The following IPP variants were observed in gnomAD, a reference collection of about 807,000 sequenced individuals.
The protein encoded by IPP is actin-binding protein IPP.
A neutral mutation model predicts 64.1 loss-of-function variants in IPP; 41 were observed. That is an observed-to-expected ratio of 0.64 (90% CI 0.50 to 0.83). The LOEUF (loss-of-function observed/expected upper bound fraction) is 0.83, where lower values mean the gene tolerates loss of function less well. Among genes scored for constraint, IPP ranks in the 40% least tolerant of loss-of-function variants. The probability of loss-of-function intolerance (pLI) is 0.00; values close to 1 mark genes in which losing one functional copy is unlikely to be tolerated. For synonymous variants in IPP, 214 were observed against 235.2 expected, an observed-to-expected ratio of 0.91 and a Z score of 0.83; for missense variants, 649 against 703.0, an observed-to-expected ratio of 0.92 and a Z score of 0.87.
chr1:45,701,876 G>C (rs886984517), intron 8 of IPP, among the ~76,000 whole-genome samples: 7 of 152,122 alleles, frequency 4.6e-5, no homozygotes, highest in Non-Finnish European at 8.8e-5. Flanking sequence ...TAAACAGTTA[G>C]TGTATGTTTG....
intron 8 of IPP, among the ~76,000 whole-genome samples, chr1:45,713,976 T>TA (rs1480127678): frequency 6.6e-6 from 1 of 151,608 alleles, no homozygotes; most frequent in Non-Finnish European, 1.5e-5. Flanking sequence ...CTTAAAAAAT[T>TA]AAAAAATAAA....
chr1:45,713,331 C>T (rs928255184), intron 8 of IPP, among the ~76,000 whole-genome samples: 10 of 152,020 alleles, frequency 6.6e-5, no homozygotes, highest in South Asian at 2.1e-4. Flanking sequence ...GAGGCTGAGG[C>T]GGGCGGATCA....
At chr1:45,726,256 C>T (rs1052086648) in intron 5 of IPP, among the ~76,000 whole-genome samples, 3 of 149,926 alleles carry the variant, frequency 2.0e-5, no homozygotes, top group East Asian at 3.9e-4. Flanking sequence ...GTCGGGAGTT[C>T]GAGACCAGCC....
At chr1:45,738,850 A>AAAAAAAAAAAAAC (rs1646017326) in intron 3 of IPP, among the ~76,000 whole-genome samples, 3 of 139,126 alleles carry the variant, frequency 2.2e-5, no homozygotes, top group South Asian at 2.3e-4. Flanking sequence ...AAAAAAAAAA[A>AAAAAAAAAAAAAC]AAAAAAAAAA....
intron 8 of IPP, among the ~76,000 whole-genome samples, chr1:45,706,683 T>C (rs1645517353): frequency 6.6e-6 from 1 of 152,122 alleles, no homozygotes; most frequent in East Asian, 1.9e-4. Flanking sequence ...ACTCCTTACC[T>C]CAGTGATCCA....
chr1:45,716,134 A>T (rs1468774536), intron 7 of IPP, among the ~76,000 whole-genome samples: 3 of 152,230 alleles, frequency 2.0e-5, no homozygotes, highest in African/African-American at 7.2e-5. Context: ...CCACTTTAAT[A>T]TGCAACATAG....
chr1:45,695,691 T>C (rs1011369376), downstream of IPP, among the ~76,000 whole-genome samples: 4 of 151,682 alleles, frequency 2.6e-5, no homozygotes, highest in African/African-American at 4.8e-5. Context: ...TTTTTTTAGA[T>C]GGAGTTTCAC....
At chr1:45,725,737 T>C (rs1440763158) in intron 5 of IPP, among the ~76,000 whole-genome samples, 1 of 140,020 alleles carries the variant, frequency 7.1e-6, no homozygotes, top group Non-Finnish European at 1.6e-5. Context: ...CATTTTGTTC[T>C]GTACTAAGAA....
intron 5 of IPP, among the ~76,000 whole-genome samples, chr1:45,726,961 G>A (rs550743058): frequency 9.2e-5 from 14 of 152,010 alleles, no homozygotes; most frequent in African/African-American, 3.1e-4. Flanking sequence ...CCTGACCTCA[G>A]GTGATCTGCC....
rs549883180 is a variant in IPP at position 45,741,142 on chromosome 1, G to A, written c.483C>T (p.Tyr161=). The A allele has an allele frequency of 1.2e-6, 2 of 1,614,160 alleles. No individual in the cohort carries two copies. The highest frequency in any genetic ancestry group is 1.1e-5 in the South Asian group (1 of 91,088). Residue 161 remains tyrosine, a synonymous_variant, in exon 3 of 9, where the codon TAC becomes TAT. Transcript: ENST00000396478. The part of the protein sequence containing the change: ...CHDLLEFSEN[Y]IHVHFLEVHS... ...GAACCTCCAAGAAATGGACATGAAT[G>A]TAGTTTTCTGAGAATTCCAAGAGAT... is the stretch of plus-strand genomic sequence containing the variant.
At chr1:45,739,984 T>C (rs1194985687) in intron 3 of IPP, among the ~76,000 whole-genome samples, 1 of 152,172 alleles carries the variant, frequency 6.6e-6, no homozygotes, top group Non-Finnish European at 1.5e-5. Flanking sequence ...CCGCAGTGTT[T>C]GTGTCCCTGG....
Position 45,719,190 on chromosome 1 carries a change from A to G in IPP, c.1186+13T>C. ...ACAATATTAGCTATCTTTAAACTGA[A>G]CAACATAATTACCCAAAGCATAGAT... On this transcript the variant is annotated intron_variant, in intron 6 of 8. Transcript: ENST00000396478. 1 of 1,613,686 alleles carries G rather than the reference A, an allele frequency of 6.2e-7. No individual in the cohort carries two copies. The highest frequency in any genetic ancestry group is 1.3e-5 in the African/African-American group (1 of 75,050).
At chr1:45,741,412 A>G in intron 2 of IPP, 80 bp from the exon 3 acceptor site, 1 of 977,962 alleles carries the variant, frequency 1.0e-6, no homozygotes, top group South Asian at 1.6e-5. Flanking sequence ...ATTATACTTG[A>G]TTTCACTGAT....
rs762294012 is a variant in IPP, at chr1:45,740,894, AAGTT to A, written c.724+3_724+6del. 1.3e-6 allele frequency: 2 copies of A among 1,529,324 alleles called. No individual in the cohort carries two copies. Among genetic ancestry groups the A allele is most frequent in the African/African-American group, 2.8e-5 (2 of 71,838 alleles). The allele number at this position is 1,529,324 out of a possible 1,614,324, so 94.7% of individuals were successfully genotyped here. A position where few individuals can be genotyped will look rare whatever the true frequency, so the allele number is the denominator to read the frequency against. On this transcript the variant is annotated splice_donor_5th_base_variant and intron_variant, in intron 3 of 8. Coordinates refer to ENST00000396478, the MANE Select transcript of IPP (RefSeq NM_005897.3). ...TCAACTAATTCGATATATAGCAAAA[AAGTT>A]ACCTTCTATATACTTTAAAAGTCTC...
intron 5 of IPP, among the ~76,000 whole-genome samples, chr1:45,724,818 T>C (rs1358281889): frequency 7.6e-6 from 1 of 131,414 alleles, no homozygotes; most frequent in Non-Finnish European, 1.6e-5. Flanking sequence ...AGCCCCTCCG[T>C]CCGGCAGCCA....
intron 8 of IPP, among the ~76,000 whole-genome samples, chr1:45,704,035 T>A (rs1485452338): frequency 6.6e-6 from 1 of 152,084 alleles, no homozygotes; most frequent in Non-Finnish European, 1.5e-5. Flanking sequence ...GTCTCCTACC[T>A]TTCTCTTCTC....
At chr1:45,702,956 TACA>T (rs1369075534) in intron 8 of IPP, among the ~76,000 whole-genome samples, 1 of 152,182 alleles carries the variant, frequency 6.6e-6, no homozygotes, top group East Asian at 1.9e-4. Context: ...CCTTATGCTT[TACA>T]ACAAGACATG....
chr1:45,733,470 T>TAA (rs151126288), intron 3 of IPP, among the ~76,000 whole-genome samples: 66 of 143,264 alleles, frequency 4.6e-4, no homozygotes, highest in African/African-American at 5.6e-4. Flanking sequence ...AGCAAGTCAT[T>TAA]AAAAAAAAAA....
chr1:45,738,311 ATT>A (rs57580711), intron 3 of IPP, among the ~76,000 whole-genome samples: 9 of 147,554 alleles, frequency 6.1e-5, no homozygotes, highest in Non-Finnish European at 1.0e-4. Context: ...ATTTAGTGTC[ATT>A]TTTTTTTTTG....
Sources: gnomAD v4.1 joint callset for allele counts (sites outside exome capture counted in the v4.1 genomes callset) on GRCh38, gnomAD v4.1.1 for gene constraint, MANE v1.5 for transcripts, NCBI Gene and HGNC (gene_info 2026-07-23, HGNC 2026-07-21) for gene names.